NEK1: variants seen among roughly 807,000 people sequenced by gnomAD.
NEK1 encodes the protein NIMA related kinase 1.
In NEK1, 137 loss-of-function variants were observed where a neutral mutation model predicts 182.1. The observed-to-expected ratio is 0.75, with a 90% CI of 0.65 to 0.87. The LOEUF is 0.87. Among genes scored for constraint, NEK1 ranks in the 40% least tolerant of loss-of-function variants. The probability of loss-of-function intolerance (pLI) is 0.00; values close to 1 mark genes in which losing one functional copy is unlikely to be tolerated. For missense variants in NEK1, 1,391 were observed against 1,494.4 expected, an observed-to-expected ratio of 0.93 and a Z score of 1.14; for synonymous variants, 513 against 492.2, an observed-to-expected ratio of 1.04 and a Z score of -0.56.
intron 23 of NEK1, among the ~76,000 whole-genome samples, chr4:169,505,920 C>A (rs1753177935): frequency 6.6e-6 from 1 of 151,364 alleles, no homozygotes; most frequent in Non-Finnish European, 1.5e-5. Context: ...AGAAATACAA[C>A]AGATAAGTGT....
chr4:169,458,168 A>G (rs1205989961), intron 27 of NEK1, among the ~76,000 whole-genome samples: 1 of 152,198 alleles, frequency 6.6e-6, no homozygotes, highest in East Asian at 1.9e-4. Flanking sequence ...ATAAAGCTAC[A>G]GTAATCAGGA....
intron 27 of NEK1, among the ~76,000 whole-genome samples, chr4:169,442,008 G>A (rs1739552551): frequency 1.3e-5 from 2 of 151,996 alleles, no homozygotes; most frequent in South Asian, 4.2e-4. Flanking sequence ...CTAAAGGCCT[G>A]GAGACTAGCC....
At chr4:169,434,505 G>A (rs576096869) in intron 28 of NEK1, among the ~76,000 whole-genome samples, 3 of 152,124 alleles carry the variant, frequency 2.0e-5, no homozygotes, top group Non-Finnish European at 4.4e-5. Context: ...GAGCCACCAC[G>A]CCTGGCCTGA....
chr4:169,515,282 T>C (rs1419146287), intron 19 of NEK1, among the ~76,000 whole-genome samples: 2 of 152,170 alleles, frequency 1.3e-5, no homozygotes, highest in East Asian at 3.8e-4. Context: ...ATTCTGTAAG[T>C]GCAAATTAGA....
chr4:169,426,044 AG>A, intron 30 of NEK1, 101 bp downstream of exon 30: 1 of 805,644 alleles, frequency 1.2e-6, no homozygotes, highest in Non-Finnish European at 2.0e-6. Context: ...ATGACTGATA[AG>A]GAATGCTTTC....
intron 19 of NEK1, among the ~76,000 whole-genome samples, chr4:169,530,305 A>G (rs1390781937): frequency 1.3e-5 from 2 of 152,208 alleles, no homozygotes; most frequent in African/African-American, 4.8e-5. Context: ...CCCACTTATG[A>G]TAGTTTGACT....
intron 16 of NEK1, among the ~76,000 whole-genome samples, chr4:169,556,639 A>G (rs2149913585): frequency 6.6e-6 from 1 of 152,230 alleles, no homozygotes; most frequent in African/African-American, 2.4e-5. Context: ...GTAAGTTGGG[A>G]AAAATAGCAC....
At chr4:169,442,251 C>A (rs1363155831) in intron 27 of NEK1, among the ~76,000 whole-genome samples, 1 of 152,184 alleles carries the variant, frequency 6.6e-6, no homozygotes, top group East Asian at 1.9e-4. Context: ...GCTCAACTGG[C>A]TCCCTGTCCA....
chr4:169,582,568 G>A (rs1420007346), intron 10 of NEK1, among the ~76,000 whole-genome samples: 1 of 151,954 alleles, frequency 6.6e-6, no homozygotes, highest in Non-Finnish European at 1.5e-5. Flanking sequence ...TCTTTTTCTT[G>A]GAAGAAAACA....
intron 32 of NEK1, among the ~76,000 whole-genome samples, chr4:169,404,028 A>G (rs1477985804): frequency 6.6e-6 from 1 of 152,134 alleles, no homozygotes; most frequent in African/African-American, 2.4e-5. Context: ...TCTGTCATCA[A>G]TTGTTCATTA....
chr4:169,509,413 C>T (rs1226015288), intron 19 of NEK1, among the ~76,000 whole-genome samples: 1 of 152,070 alleles, frequency 6.6e-6, no homozygotes, highest in Non-Finnish European at 1.5e-5. Flanking sequence ...TATTTCTCTT[C>T]CTTCAGCATA....
At chr4:169,409,238 G>A (rs1160818633) in intron 31 of NEK1, among the ~76,000 whole-genome samples, 2 of 151,918 alleles carry the variant, frequency 1.3e-5, no homozygotes, top group African/African-American at 2.4e-5. Flanking sequence ...TCCGCCTCCC[G>A]GGTTCACGCC....
chr4:169,564,806 TA>T (rs1266553420), intron 12 of NEK1, among the ~76,000 whole-genome samples: 1 of 152,164 alleles, frequency 6.6e-6, no homozygotes, highest in Non-Finnish European at 1.5e-5. Flanking sequence ...AATGGGTTAA[TA>T]AACTTATAAA....
intron 16 of NEK1, among the ~76,000 whole-genome samples, chr4:169,557,070 T>C (rs1004499804): frequency 6.6e-6 from 1 of 151,818 alleles, no homozygotes. Flanking sequence ...CTAGCAGCAG[T>C]AGTATATCAA....
At chr4:169,484,202 C>A (rs1748639004) in intron 23 of NEK1, among the ~76,000 whole-genome samples, 1 of 152,172 alleles carries the variant, frequency 6.6e-6, no homozygotes, top group African/African-American at 2.4e-5. Flanking sequence ...TTATGTGCCA[C>A]CATGCCCAGC....
At chr4:169,605,034 C>CA (rs33967814) in intron 2 of NEK1, among the ~76,000 whole-genome samples, 13,680 of 150,686 alleles carry the variant, frequency 0.091, 778 homozygotes, top group African/African-American at 0.16. Flanking sequence ...ATGCTACTTA[C>CA]AAAAAAAAAT....
chr4:169,463,318 A>G lies in NEK1; in HGVS notation c.2512T>C (p.Ser838Pro). ...RRAWGKSPTD[S>P]VLKILGEAEL... ...GCTTCTCCAAGTATCTTTAGAACAG[A>G]ATCTGTCGGACTTTTCCCCCAGGCT... The change falls in exon 27 of 36, where the codon TCT becomes CCT. Residue 838 changes from serine to proline, a missense_variant. Ser to Pro is a moderately conservative substitution (Grantham distance 74). Around this residue, in one of 5 missense-constraint regions of NEK1, gnomAD observed 1,216 missense variants for 1,277.6 expected, o/e 0.95. Transcript: ENST00000507142. The G allele has an allele frequency of 6.2e-7, 1 of 1,609,998 alleles. No homozygotes were observed. The highest frequency in any genetic ancestry group is 8.5e-7 in the Non-Finnish European group (1 of 1,177,538).
rs563574802 is a variant in NEK1, at chr4:169,426,318, C to A, written c.2886-84G>T. ...GTGCTCTAAAATACAGGAAATGGAA[C>A]ACAAGTTCACTAGCATTCTTTGATC... On this transcript the variant is annotated intron_variant, in intron 29 of 35. Transcript: ENST00000507142. 110 of 1,024,846 alleles carry A rather than the reference C, an allele frequency of 1.1e-4. No individual in the cohort carries two copies. The African/African-American group carries it at 1.5e-3, about 14-fold the overall frequency. The allele number at this position is 1,024,846 out of a possible 1,614,324, so 63.5% of individuals were successfully genotyped here. A position where few individuals can be genotyped will look rare whatever the true frequency, so the allele number is the denominator to read the frequency against.
intron 19 of NEK1, among the ~76,000 whole-genome samples, chr4:169,514,392 T>A (rs1754753375): frequency 6.6e-6 from 1 of 152,192 alleles, no homozygotes; most frequent in Admixed American, 6.5e-5. Context: ...AATGAGTTGA[T>A]TAGTATTCAC....
Sources: gnomAD v4.1 joint callset for allele counts (sites outside exome capture counted in the v4.1 genomes callset) on GRCh38, gnomAD v4.1.1 for gene constraint, gnomAD v4.1.1 regional missense constraint, MANE v1.5 for transcripts, NCBI Gene and HGNC (gene_info 2026-07-23, HGNC 2026-07-21) for gene names.